The following MKRN2OS variants were observed in gnomAD, a reference collection of about 807,000 sequenced individuals.
MKRN2OS encodes MKRN2 opposite strand protein.
In MKRN2OS, 17 loss-of-function variants were observed where a neutral mutation model predicts 18.2. The ratio of observed to expected loss-of-function variants is 0.93; its 90% confidence interval spans 0.64 to 1.40. The LOEUF is 1.40. Among genes scored for constraint, MKRN2OS ranks in the 40% most tolerant of loss-of-function variants. The pLI, the probability that MKRN2OS is intolerant of heterozygous loss-of-function variation, is 0.00. For synonymous variants in MKRN2OS, 121 were observed against 108.5 expected (o/e 1.12, Z -0.72); for missense variants, 337 against 283.0 (o/e 1.19, Z -1.37).
chr3:12,541,798 C>G, intron 3 of MKRN2OS, 62 bp downstream of exon 3: 1 of 1,484,932 alleles, frequency 6.7e-7, no homozygotes, highest in East Asian at 2.5e-5. Context: ...TGAGGCTACA[C>G]GGGGATCCCA....
chr3:12,541,705 C>T (rs2057816357), intron 3 of MKRN2OS, among the ~76,000 whole-genome samples, 155 bp downstream of exon 3: 1 of 152,106 alleles, frequency 6.6e-6, no homozygotes, highest in South Asian at 2.1e-4. Context: ...GGTAGTTCAA[C>T]CTCTGTTTAA....
At chr3:12,553,845 A>C (rs1237604617) in exon 2 of MKRN2OS, 1 of 152,202 alleles carries the variant, frequency 6.6e-6, no homozygotes, top group Admixed American at 6.5e-5. Context: ...GTATACAAAG[A>C]TCCAGTGTAT....
chr3:12,559,564 A>G (rs892506847), intron 1 of MKRN2OS, among the ~76,000 whole-genome samples: 2 of 152,178 alleles, frequency 1.3e-5, no homozygotes, highest in East Asian at 1.9e-4. Context: ...TCTGTTAGAT[A>G]TTATGTATCT....
chr3:12,543,469 C>A (rs2057843603), intron 1 of MKRN2OS, among the ~76,000 whole-genome samples: 1 of 151,964 alleles, frequency 6.6e-6, no homozygotes, highest in South Asian at 2.1e-4. Context: ...CATCTGTGAT[C>A]CCAGCTACTC....
chr3:12,560,442 G>A (rs2596820), intron 1 of MKRN2OS, among the ~76,000 whole-genome samples: 86,113 of 147,436 alleles, frequency 0.58, 27,370 homozygotes, highest in African/African-American at 0.85. Flanking sequence ...GAGTATAGCC[G>A]TAAAATTTTA....
At chr3:12,552,190 G>A (rs2057934682), downstream of MKRN2OS, among the ~76,000 whole-genome samples, 1 of 150,880 alleles carries the variant, frequency 6.6e-6, no homozygotes, top group Non-Finnish European at 1.5e-5. Context: ...GGGGTGGTGG[G>A]CGCCTGTAAT....
chr3:12,557,101 A>T, intron 1 of MKRN2OS: 1 of 1,393,144 alleles, frequency 7.2e-7, no homozygotes, highest in Non-Finnish European at 9.4e-7. Flanking sequence ...CCGAGGCGGC[A>T]GCGGCTGCGA....
intron 1 of MKRN2OS, among the ~76,000 whole-genome samples, chr3:12,558,716 C>T (rs571982634): frequency 3.3e-5 from 5 of 152,316 alleles, no homozygotes; most frequent in African/African-American, 1.2e-4. Context: ...GATAGCTTGA[C>T]TTGAAAGCTT....
chr3:12,559,146 G>T (rs550844743), intron 1 of MKRN2OS, among the ~76,000 whole-genome samples: 1 of 152,314 alleles, frequency 6.6e-6, no homozygotes, highest in South Asian at 2.1e-4. Flanking sequence ...ACTCACAAAA[G>T]GGTGTAAAGG....
At position 12,542,039 on chromosome 3, in the gene MKRN2OS, A is replaced by G. The variant is rs1161503638; in HGVS notation, c.269-17T>C. The G allele has an allele frequency of 6.5e-7, 1 of 1,528,218 alleles. No individual in the cohort carries two copies. The highest frequency in any genetic ancestry group is 2.5e-5 in the East Asian group (1 of 40,610). The allele number at this position is 1,528,218 out of a possible 1,614,324, so 94.7% of individuals were successfully genotyped here. On this transcript the variant is annotated splice_polypyrimidine_tract_variant and intron_variant, in intron 2 of 3. Transcript: ENST00000564146. ...ACACAACCCCTGCAAATCAAAACCA[A>G]AGTCATGTGGAGCCCCAAGGAAACA...
chr3:12,542,094 A>C (rs531662282), intron 2 of MKRN2OS, 72 bp from the exon 3 acceptor site: 6 of 1,425,380 alleles, frequency 4.2e-6, no homozygotes, highest in East Asian at 2.5e-5. Flanking sequence ...GACATCAGAA[A>C]ATGACAGTAG....
chr3:12,556,988 G>A (rs1291229485), intron 1 of MKRN2OS: 22 of 758,402 alleles, frequency 2.9e-5, no homozygotes, highest in African/African-American at 5.5e-5. Flanking sequence ...CGACGGCTAG[G>A]TTACCCGCCG....
chr3:12,546,056 A>G (rs1336889131), upstream of MKRN2OS, among the ~76,000 whole-genome samples: 1 of 152,022 alleles, frequency 6.6e-6, no homozygotes, highest in East Asian at 1.9e-4. Flanking sequence ...CCTCCCAAAG[A>G]GCTGGAATTA....
upstream of MKRN2OS, chr3:12,545,535 T>C (rs999429624): frequency 1.7e-6 from 2 of 1,183,710 alleles, no homozygotes; most frequent in African/African-American, 3.1e-5. Context: ...ACCTGGCGAA[T>C]GCACACCGCC....
At chr3:12,546,566 G>A (rs956885577), upstream of MKRN2OS, among the ~76,000 whole-genome samples, 3 of 147,774 alleles carry the variant, frequency 2.0e-5, no homozygotes, top group Non-Finnish European at 4.4e-5. Context: ...TATTTAAAGG[G>A]TACATGGGAT....
chr3:12,547,487 T>G (rs2057895246), upstream of MKRN2OS, among the ~76,000 whole-genome samples: 1 of 152,158 alleles, frequency 6.6e-6, no homozygotes, highest in Admixed American at 6.5e-5. Flanking sequence ...TTGGCTGCAG[T>G]GAGCCATTAT....
At chr3:12,551,022 A>G (rs549581252), downstream of MKRN2OS, among the ~76,000 whole-genome samples, 1 of 152,066 alleles carries the variant, frequency 6.6e-6, no homozygotes, top group Non-Finnish European at 1.5e-5. Flanking sequence ...TTCAGATTGC[A>G]TAGGAATCCA....
At chr3:12,542,745 C>A (rs2057833358) in intron 2 of MKRN2OS, among the ~76,000 whole-genome samples, 1 of 151,356 alleles carries the variant, frequency 6.6e-6, no homozygotes, top group Non-Finnish European at 1.5e-5. Context: ...CACTGCAGGC[C>A]CCACCACATC....
intron 1 of MKRN2OS, among the ~76,000 whole-genome samples, chr3:12,544,608 G>T (rs1013588085): frequency 2.0e-5 from 3 of 152,014 alleles, no homozygotes; most frequent in Non-Finnish European, 4.4e-5. Flanking sequence ...CTTGAACCCG[G>T]GAGGTGGAGG....
Sources: allele counts gnomAD v4.1 joint callset (sites outside exome capture counted in the v4.1 genomes callset), GRCh38; gene constraint gnomAD v4.1.1; transcripts MANE v1.5; gene names NCBI Gene and HGNC (gene_info 2026-07-23, HGNC 2026-07-21).